NAV1: variants seen among roughly 807,000 people sequenced by gnomAD.
The protein encoded by NAV1 is neuron navigator 1.
NAV1 carries 18 observed loss-of-function variants against 175.2 expected under a neutral mutation model. That is an observed-to-expected ratio of 0.10 (90% confidence interval 0.07 to 0.15). NAV1 has a LOEUF of 0.15. NAV1 is among the 10% of genes least tolerant of loss of function. NAV1 has a pLI of 1.00. For synonymous variants in NAV1, 897 were observed against 978.7 expected (o/e 0.92, Z 1.56); for missense variants, 1,731 against 2,436.6 (o/e 0.71, Z 6.10).
chr1:201,780,591 T>A, intron 4 of NAV1, 32 bp downstream of exon 8: 1 of 1,613,926 alleles, frequency 6.2e-7, no homozygotes, highest in Non-Finnish European at 8.5e-7. Context: ...CAAGCTGCCA[T>A]CTCAAGATGA....
intron 1 of NAV1, among the ~76,000 whole-genome samples, chr1:201,546,161 C>A (rs555237292): frequency 6.6e-6 from 1 of 152,348 alleles, no homozygotes; most frequent in Non-Finnish European, 1.5e-5. Flanking sequence ...CATCTGGGAC[C>A]ATTCTGTATG....
At chr1:201,789,756 G>T (rs1226516001) in exon 11 of NAV1, 1 of 1,614,084 alleles carries the variant, frequency 6.2e-7, no homozygotes, top group South Asian at 1.1e-5. Context: ...GCTCAGTGCT[G>T]TCCCTGGCCT....
At chr1:201,793,942 G>T in intron 14 of NAV1, 67 bp downstream of exon 18, 1 of 1,359,618 alleles carries the variant, frequency 7.4e-7, no homozygotes, top group South Asian at 1.2e-5. Flanking sequence ...CAGAGAGGCC[G>T]AAGCTGACCA....
intron 2 of NAV1, among the ~76,000 whole-genome samples, chr1:201,713,808 G>A (rs1390276462): frequency 6.6e-6 from 1 of 152,172 alleles, no homozygotes; most frequent in Non-Finnish European, 1.5e-5. Flanking sequence ...GGAAAATTAA[G>A]AGCAAAGTTG....
chr1:201,576,598 A>G (rs1666697769), intron 1 of NAV1, among the ~76,000 whole-genome samples: 1 of 152,128 alleles, frequency 6.6e-6, no homozygotes. Context: ...TAAAGCTAAT[A>G]TATTCATTCG....
intron 3 of NAV1, among the ~76,000 whole-genome samples, chr1:201,754,956 G>A (rs1422215711): frequency 6.6e-6 from 1 of 152,096 alleles, no homozygotes; most frequent in Admixed American, 6.5e-5. Context: ...GTCATATCAG[G>A]TATAATGTTT....
exon 30 of NAV1, chr1:201,826,731 G>A (rs1679695476): frequency 6.6e-6 from 1 of 152,138 alleles, no homozygotes; most frequent in Non-Finnish European, 1.5e-5. Context: ...GCAAACTGTT[G>A]TATATAGTTG....
chr1:201,808,762 A>T lies in NAV1; in HGVS notation c.4098A>T (p.Ser1366=), dbSNP rs1678486050. 3 of 1,614,190 alleles carry T rather than the reference A, an allele frequency of 1.9e-6. No individual in the cohort carries two copies. The highest frequency in any genetic ancestry group is 2.5e-6 in the Non-Finnish European group (3 of 1,180,042). The change falls in exon 20 of 30, where the codon TCA becomes TCT. Residue 1366 remains serine, a synonymous_variant. Coordinates refer to ENST00000367296, the Ensembl canonical transcript of NAV1. The surrounding 1 kb of genome is among the most constrained non-coding windows in gnomAD (Gnocchi z 5.5). ...GACTGAAGGTAGCCCCAGGCCCCTC[A>T]TCAGGCTCCACTCCAGGGCAGGTCC...
chr1:201,549,856 A>T (rs1357032208), intron 1 of NAV1, among the ~76,000 whole-genome samples: 2 of 151,178 alleles, frequency 1.3e-5, no homozygotes, highest in African/African-American at 4.9e-5. Context: ...TAAAAATACA[A>T]AAAAATTAGC....
At position 201,808,919 on chromosome 1, in the gene NAV1, CT is replaced by C. The variant is rs1678503299; in HGVS notation, c.4207+50del. On this transcript the variant is annotated intron_variant, in intron 20 of 29. Transcript: ENST00000367296. This position sits in a 1 kb window ranked among gnomAD's most constrained non-coding sequence, Gnocchi z 5.5. ...TATAAGGGTGAAGGGAAGAAAAGGG[CT>C]TATTTCACTGTTACACCATTCCACT... 1 of 1,570,876 alleles carries C rather than the reference CT, an allele frequency of 6.4e-7. No individual in the cohort carries two copies.
chr1:201,676,033 ATCTCT>A (rs971619769), intron 1 of NAV1, among the ~76,000 whole-genome samples: 1 of 152,056 alleles, frequency 6.6e-6, no homozygotes, highest in African/African-American at 2.4e-5. Context: ...CTCAAAAGTG[ATCTCT>A]TCTCTTCCTC....
At chr1:201,716,645 G>A (rs1280309737) in intron 2 of NAV1, among the ~76,000 whole-genome samples, 11 of 152,172 alleles carry the variant, frequency 7.2e-5, no homozygotes, top group South Asian at 2.1e-4. Context: ...GTGGGAGGCC[G>A]AGGTGGGAGG....
rs750120788 is a variant in NAV1 at position 201,808,387 on chromosome 1, G to A, written c.3846-31G>A. On this transcript the variant is annotated intron_variant, in intron 18 of 29. Transcript: ENST00000367296. The surrounding 1 kb of genome is among the most constrained non-coding windows in gnomAD (Gnocchi z 5.5). Reference sequence around the variant, plus strand: ...TCTAGTAACTCTAGTGCTTCTTCATGTAGCCTGGCTTGACTCTTGCTATCT... The same window carrying A: ...TCTAGTAACTCTAGTGCTTCTTCATATAGCCTGGCTTGACTCTTGCTATCT... 1 of 1,586,362 alleles carries A rather than the reference G, an allele frequency of 6.3e-7. No individual in the cohort carries two copies. Among genetic ancestry groups the A allele is most frequent in the South Asian group, 1.2e-5 (1 of 86,710 alleles).
At chr1:201,781,268 C>G in exon 5 of NAV1, 1 of 1,613,682 alleles carries the variant, frequency 6.2e-7, no homozygotes, top group Non-Finnish European at 8.5e-7. Flanking sequence ...GCTGTAACTT[C>G]CCCCATCACT....
chr1:201,704,593 G>A (rs1034618695), intron 1 of NAV1, among the ~76,000 whole-genome samples: 1 of 152,244 alleles, frequency 6.6e-6, no homozygotes, highest in African/African-American at 2.4e-5. Flanking sequence ...CTTGGCATCA[G>A]GAAGTCAAGC....
intron 1 of NAV1, among the ~76,000 whole-genome samples, chr1:201,685,387 C>T (rs983854716): frequency 1.3e-5 from 2 of 152,196 alleles, no homozygotes; most frequent in Admixed American, 6.5e-5. Context: ...TCAGACCAGC[C>T]CCATCACAGA....
rs139303522 is a variant in NAV1 at position 201,563,388 on chromosome 1, T to G, written c.-144+24046T>G. On this transcript the variant is annotated intron_variant, in intron 1 of 33. Transcript: ENST00000685211. ...TATCTTTCTGGGAGATGTATCTTTC[T>G]GGGAGATGTTGGAACTGGGCCCAGA... is the stretch of plus-strand genomic sequence containing the variant. 3.9e-3 allele frequency among the ~76,000 whole-genome samples: 593 copies of G among 152,070 alleles called. 4 individuals carry two copies. The highest frequency in any genetic ancestry group is 0.013 in the African/African-American group (546 of 41,458).
intron 3 of NAV1, among the ~76,000 whole-genome samples, chr1:201,774,697 C>T (rs951002082): frequency 1.3e-5 from 2 of 152,142 alleles, no homozygotes; most frequent in Non-Finnish European, 2.9e-5. Flanking sequence ...GCTAATGTCT[C>T]GTCACCTCTC....
At chr1:201,554,923 T>C (rs1282759742) in intron 1 of NAV1, among the ~76,000 whole-genome samples, 1 of 152,198 alleles carries the variant, frequency 6.6e-6, no homozygotes, top group Non-Finnish European at 1.5e-5. Context: ...TCTTCTAGTG[T>C]CCGGTGCTTT....
Sources: allele counts gnomAD v4.1 joint callset (sites outside exome capture counted in the v4.1 genomes callset), GRCh38; gene constraint gnomAD v4.1.1; non-coding constraint Gnocchi (gnomAD v3.1); transcripts MANE v1.5; gene names NCBI Gene and HGNC (gene_info 2026-07-23, HGNC 2026-07-21).